Variants in S100PBP observed in about 807,000 individuals in gnomAD.
The protein encoded by S100PBP is S100P binding protein.
In S100PBP, 15 loss-of-function variants were observed where a neutral mutation model predicts 39.9. The observed-to-expected ratio is 0.38, with a 90% CI of 0.25 to 0.58. S100PBP has a LOEUF of 0.58. Among genes scored for constraint, S100PBP ranks in the 20% least tolerant of loss-of-function variants. The pLI is 0.70. For synonymous variants in S100PBP, 178 were observed against 180.3 expected (o/e 0.99, Z 0.10); for missense variants, 504 against 487.3 (o/e 1.03, Z -0.32).
At chr1:32,844,357 C>T (rs1276903393) in intron 5 of S100PBP, among the ~76,000 whole-genome samples, 1 of 152,158 alleles carries the variant, frequency 6.6e-6, no homozygotes, top group African/African-American at 2.4e-5. Flanking sequence ...GAACCTGTTA[C>T]TGATTTTAGA....
intron 1 of S100PBP, among the ~76,000 whole-genome samples, chr1:32,823,809 G>A (rs891228936): frequency 6.6e-6 from 1 of 152,154 alleles, no homozygotes; most frequent in African/African-American, 2.4e-5. Flanking sequence ...ACATTATGAG[G>A]GCAGGAGCTA....
intron 1 of S100PBP, among the ~76,000 whole-genome samples, chr1:32,822,171 A>G (rs1639100296): frequency 6.6e-6 from 1 of 152,200 alleles, no homozygotes; most frequent in African/African-American, 2.4e-5. Context: ...TTTGCTTCAA[A>G]ACAATCTGGT....
chr1:32,851,821 C>T (rs777124356), intron 5 of S100PBP, among the ~76,000 whole-genome samples: 1 of 152,056 alleles, frequency 6.6e-6, no homozygotes, highest in Non-Finnish European at 1.5e-5. Flanking sequence ...GAGGCTAGGC[C>T]CAGCAATCTG....
In S100PBP at chr1:32,830,173, G is replaced by A; in HGVS notation, c.1024+106G>A. The A allele has an allele frequency of 4.1e-6, 3 of 726,764 alleles. No homozygotes were observed. The South Asian group carries it at 5.0e-5, about 12-fold the overall frequency. 45.0% of individuals were successfully genotyped at this position (726,764 alleles called of 1,614,324 possible). The stretch of plus-strand genomic sequence containing the variant: ...TTGTTTAGAATTTTCTTAAATTCTT[G>A]AGAAAGATAACTTCCTTACTTAAAA... On this transcript the variant is annotated intron_variant, in intron 5 of 6. Coordinates refer to ENST00000373475, the MANE Select transcript of S100PBP (RefSeq NM_022753.4).
chr1:32,819,641 TG>T (rs1371178604), intron 1 of S100PBP, among the ~76,000 whole-genome samples: 1 of 152,026 alleles, frequency 6.6e-6, no homozygotes, highest in Non-Finnish European at 1.5e-5. Flanking sequence ...CTAAGAAAGG[TG>T]GTAGATGGTA....
At chr1:32,827,679 C>T (rs1447259633) in intron 3 of S100PBP, among the ~76,000 whole-genome samples, 1 of 151,918 alleles carries the variant, frequency 6.6e-6, no homozygotes, top group Non-Finnish European at 1.5e-5. Flanking sequence ...CGGTGTTTCA[C>T]CATGTTGGCC....
At chr1:32,821,919 G>A (rs1041244512) in intron 1 of S100PBP, among the ~76,000 whole-genome samples, 5 of 152,174 alleles carry the variant, frequency 3.3e-5, no homozygotes, top group Admixed American at 6.5e-5. Flanking sequence ...GATTACAGGC[G>A]TAAGCCATCT....
intron 5 of S100PBP, among the ~76,000 whole-genome samples, chr1:32,840,312 C>T (rs541551363): frequency 6.6e-6 from 1 of 150,772 alleles, no homozygotes; most frequent in Non-Finnish European, 1.5e-5. Context: ...TGGTAGAGAC[C>T]GTGTTTTACC....
At chr1:32,822,414 ACCATCCTGGCTAACACT>A (rs1639114745) in intron 1 of S100PBP, among the ~76,000 whole-genome samples, 1 of 152,120 alleles carries the variant, frequency 6.6e-6, no homozygotes, top group Admixed American at 6.6e-5. Context: ...GGAGATCAAG[ACCATCCTGGCTAACACT>A]GTGAAACCCC....
chr1:32,825,922 G>A (rs1639301064), intron 2 of S100PBP, among the ~76,000 whole-genome samples, 176 bp from the exon 3 acceptor site: 1 of 152,154 alleles, frequency 6.6e-6, no homozygotes, highest in Non-Finnish European at 1.5e-5. Flanking sequence ...GTATCTCATT[G>A]TTCTAACGTG....
intron 5 of S100PBP, among the ~76,000 whole-genome samples, chr1:32,841,729 CAAA>C (rs56267418): frequency 1.6e-4 from 9 of 55,150 alleles, no homozygotes; most frequent in East Asian, 6.5e-4. Context: ...AACTCTGTCT[CAAA>C]AAAAAAAAAA....
At chr1:32,840,063 C>G (rs2148669475) in intron 5 of S100PBP, among the ~76,000 whole-genome samples, 1 of 152,300 alleles carries the variant, frequency 6.6e-6, no homozygotes, top group Middle Eastern at 3.4e-3. Context: ...CAGCTCACTG[C>G]AACCTCTGCC....
At chr1:32,824,905 T>C (rs954517597) in intron 1 of S100PBP, 4 of 150,828 alleles carry the variant, frequency 2.7e-5, no homozygotes, top group African/African-American at 9.8e-5. Context: ...ACCTTAGACA[T>C]TGCCTAGCAC....
upstream of S100PBP, chr1:32,817,597 G>T: frequency 4.7e-6 from 2 of 423,490 alleles, no homozygotes; most frequent in Non-Finnish European, 8.8e-6. Flanking sequence ...CGGCTGACTC[G>T]GGGTAGGGGA....
At chr1:32,844,869 C>G (rs1283646754) in intron 5 of S100PBP, among the ~76,000 whole-genome samples, 1 of 151,550 alleles carries the variant, frequency 6.6e-6, no homozygotes, top group Non-Finnish European at 1.5e-5. Context: ...CGCTCTGTTG[C>G]CCAGGCTGGA....
chr1:32,818,811 G>T (rs927765737), intron 1 of S100PBP: 15 of 152,154 alleles, frequency 9.9e-5, no homozygotes, highest in African/African-American at 3.6e-4. Flanking sequence ...TTTTTATGGA[G>T]TGATAAAGCC....
intron 5 of S100PBP, chr1:32,836,858 A>G (rs1269670063): frequency 6.6e-6 from 1 of 152,162 alleles, no homozygotes; most frequent in African/African-American, 2.4e-5. Flanking sequence ...TTGTGTTTAC[A>G]TATCTGAACA....
intron 1 of S100PBP, among the ~76,000 whole-genome samples, chr1:32,821,135 G>A (rs1460652510): frequency 6.6e-6 from 1 of 151,020 alleles, no homozygotes; most frequent in African/African-American, 2.4e-5. Context: ...ATGAGATATT[G>A]TTTTCTTAAG....
At chr1:32,829,863 T>A (rs1639514062) in intron 4 of S100PBP, 101 bp from the exon 5 acceptor site, 4 of 781,008 alleles carry the variant, frequency 5.1e-6, no homozygotes, top group African/African-American at 1.8e-5. Flanking sequence ...CCTCTGAAAC[T>A]TAGTTCTAAT....
Sources: gnomAD v4.1 joint callset for allele counts (sites outside exome capture counted in the v4.1 genomes callset) on GRCh38, gnomAD v4.1.1 for gene constraint, MANE v1.5 for transcripts, NCBI Gene and HGNC (gene_info 2026-07-23, HGNC 2026-07-21) for gene names.